Variants in COL21A1 observed in about 807,000 individuals in gnomAD.
COL21A1 encodes collagen alpha-1(XXI) chain.
COL21A1 carries 149 observed loss-of-function variants against 137.9 expected under a neutral mutation model. That is an observed-to-expected ratio of 1.08 (90% CI 0.95 to 1.24). COL21A1 has a LOEUF of 1.24. COL21A1 is among the 50% of genes most tolerant of loss of function. The pLI is 0.00. For missense variants in COL21A1, 1,167 were observed against 1,158.4 expected, an observed-to-expected ratio of 1.01 and a Z score of -0.11; for synonymous variants, 456 against 391.5, an observed-to-expected ratio of 1.16 and a Z score of -1.95.
At chr6:56,270,074 A>G (rs1324408687) in intron 1 of COL21A1, among the ~76,000 whole-genome samples, 1 of 152,216 alleles carries the variant, frequency 6.6e-6, no homozygotes, top group Non-Finnish European at 1.5e-5. Context: ...AAAATTTCAC[A>G]TATCAATACT....
intron 1 of COL21A1, among the ~76,000 whole-genome samples, chr6:56,304,795 T>C (rs1764398399): frequency 6.6e-6 from 1 of 152,236 alleles, no homozygotes; most frequent in African/African-American, 2.4e-5. Flanking sequence ...TGTTTGCTCT[T>C]GCTTCCTCAG....
chr6:56,147,563 T>C (rs1774932498), intron 10 of COL21A1, among the ~76,000 whole-genome samples: 1 of 152,012 alleles, frequency 6.6e-6, no homozygotes, highest in African/African-American at 2.4e-5. Flanking sequence ...TACATTCACA[T>C]GCACAAACTT....
intron 17 of COL21A1, among the ~76,000 whole-genome samples, chr6:56,094,005 G>GT (rs1415021542): frequency 6.6e-6 from 1 of 152,060 alleles, no homozygotes; most frequent in Non-Finnish European, 1.5e-5. Context: ...GCATGCTTGC[G>GT]TAACAGTGAA....
rs574520470 is a variant in COL21A1, at chr6:56,154,585, A to T, written c.1434+2302T>A. Among the ~76,000 whole-genome samples the T allele has an allele frequency of 1.2e-4, 18 of 152,244 alleles. No homozygotes were observed. The South Asian group carries it at 3.7e-3, about 32-fold the overall frequency. On this transcript the variant is annotated intron_variant, in intron 10 of 29. Coordinates refer to ENST00000244728, the MANE Select transcript of COL21A1 (RefSeq NM_030820.4). ...TACTTCTCCATTCTCCCACCGTATCACCCTAGTACAAACTACTCTTACCAC... is the reference window on the plus strand; with the variant it reads ...TACTTCTCCATTCTCCCACCGTATCTCCCTAGTACAAACTACTCTTACCAC...
intron 1 of COL21A1, among the ~76,000 whole-genome samples, chr6:56,352,972 T>C (rs1581765673): frequency 6.6e-6 from 1 of 151,892 alleles, no homozygotes; most frequent in South Asian, 2.1e-4. Flanking sequence ...ATCGGGGAAG[T>C]GGAGGTTGCA....
In COL21A1 at chr6:56,330,533, G is replaced by A. The variant is rs1432173842; in HGVS notation, c.-39+63438C>T. ...TTTTAGTTATATTTTTATGGATTTA[G>A]GGTTGCAAGGGCAGTGTTACATGAA... On this transcript the variant is annotated intron_variant, in intron 1 of 28. Transcript: ENST00000370819. Among the ~76,000 whole-genome samples, 4 of 152,132 alleles carry A rather than the reference G, an allele frequency of 2.6e-5. No homozygotes were observed. The East Asian group carries it at 7.7e-4, about 29-fold the overall frequency.
chr6:56,215,064 G>A (rs1308242694), intron 1 of COL21A1, among the ~76,000 whole-genome samples: 5 of 151,604 alleles, frequency 3.3e-5, no homozygotes, highest in African/African-American at 9.7e-5. Flanking sequence ...TGTTATATAC[G>A]TGTGGCAGGC....
intron 1 of COL21A1, among the ~76,000 whole-genome samples, chr6:56,325,791 A>ATT (rs1202885887): frequency 1.5e-4 from 1 of 6,774 alleles, no homozygotes; most frequent in African/African-American, 5.2e-4. Context: ...TATAATATAT[A>ATT]ATATATATTA....
chr6:56,284,655 T>G (rs1334905726), intron 1 of COL21A1, among the ~76,000 whole-genome samples: 1 of 152,106 alleles, frequency 6.6e-6, no homozygotes, highest in Non-Finnish European at 1.5e-5. Flanking sequence ...CAAATTTTAT[T>G]ATACCCTTCC....
intron 1 of COL21A1, among the ~76,000 whole-genome samples, chr6:56,297,405 C>T (rs1258566928): frequency 1.3e-5 from 2 of 152,028 alleles, no homozygotes; most frequent in African/African-American, 4.8e-5. Context: ...CTTGTCACTA[C>T]CTTAAAATTT....
intron 16 of COL21A1, among the ~76,000 whole-genome samples, chr6:56,116,040 G>T (rs947531636): frequency 6.6e-6 from 1 of 151,848 alleles, no homozygotes; most frequent in African/African-American, 2.4e-5. Flanking sequence ...TAGTCTCAAA[G>T]GGCAAATCTA....
intron 1 of COL21A1, among the ~76,000 whole-genome samples, chr6:56,299,831 C>T (rs904675554): frequency 6.6e-6 from 1 of 151,992 alleles, no homozygotes; most frequent in Non-Finnish European, 1.5e-5. Flanking sequence ...TTAATATGTT[C>T]CTAAAATAAA....
chr6:56,101,180 G>A (rs573753547), intron 17 of COL21A1, among the ~76,000 whole-genome samples: 2 of 152,186 alleles, frequency 1.3e-5, no homozygotes, highest in East Asian at 1.9e-4. Context: ...AAGTGACATC[G>A]ACTGAAGGCT....
At chr6:56,133,799 G>T (rs898615838) in intron 12 of COL21A1, among the ~76,000 whole-genome samples, 24 of 152,238 alleles carry the variant, frequency 1.6e-4, no homozygotes, top group African/African-American at 5.8e-4. Context: ...TTGCTTCAGA[G>T]GGTGCAGGCC....
intron 1 of COL21A1, among the ~76,000 whole-genome samples, chr6:56,254,218 G>A (rs956676220): frequency 6.6e-6 from 1 of 152,308 alleles, no homozygotes; most frequent in Admixed American, 6.5e-5. Flanking sequence ...CTAGCTAAGA[G>A]ATGATTTCCT....
chr6:56,107,749 C>G (rs1771076033), intron 16 of COL21A1, among the ~76,000 whole-genome samples: 1 of 152,072 alleles, frequency 6.6e-6, no homozygotes, highest in Admixed American at 6.5e-5. Flanking sequence ...ATTCAGAATA[C>G]TGTATTCACA....
At chr6:56,270,453 C>A (rs1763500045) in intron 1 of COL21A1, among the ~76,000 whole-genome samples, 1 of 152,136 alleles carries the variant, frequency 6.6e-6, no homozygotes. Context: ...GCTTAGACAG[C>A]CATACAATAA....
In COL21A1 at chr6:56,125,011, C is replaced by CT. The variant is rs70986773; in HGVS notation, c.1650+555dup. ...AATCTCTCACTGTAAATCTGTAAAT[C>CT]TTTTTTTTTTTTTTTTTTTTTTTTT... is the stretch of plus-strand genomic sequence containing the variant. On this transcript the variant is annotated intron_variant, in intron 14 of 29. Transcript: ENST00000244728. Among the ~76,000 whole-genome samples the CT allele has an allele frequency of 4.1e-3, 225 of 54,880 alleles. 23 individuals are homozygous for CT. Among genetic ancestry groups the CT allele is most frequent in the Non-Finnish European group, 5.3e-3 (169 of 32,186 alleles). The allele number at this position is 54,880 out of a possible 152,430, so 36.0% of individuals were successfully genotyped here. A position where few individuals can be genotyped will look rare whatever the true frequency, so the allele number is the denominator to read the frequency against.
chr6:56,067,244 A>T (rs1582230652), intron 23 of COL21A1, 51 bp downstream of exon 23: 2 of 1,401,542 alleles, frequency 1.4e-6, no homozygotes, highest in Non-Finnish European at 2.0e-6. Context: ...AGAACTTTTT[A>T]AAAGCTCTGA....
Sources: gnomAD v4.1 joint callset for allele counts (sites outside exome capture counted in the v4.1 genomes callset) on GRCh38, gnomAD v4.1.1 for gene constraint, MANE v1.5 for transcripts, NCBI Gene and HGNC (gene_info 2026-07-23, HGNC 2026-07-21) for gene names.